TMEM200C: variants seen among roughly 807,000 people sequenced by gnomAD.
TMEM200C encodes the protein transmembrane protein TTMA.
For synonymous variants in TMEM200C, 462 were observed against 324.7 expected (o/e 1.42, Z -4.55); for missense variants, 966 against 699.9 (o/e 1.38, Z -4.29).
Position 5,891,200 on chromosome 18 carries a change from G to A in TMEM200C, c.864C>T (p.Pro288=), listed in dbSNP as rs2095170522. Residue 288 remains proline, a synonymous_variant, in exon 3 of 3, where the codon CCC becomes CCT. Transcript: ENST00000581347. This position sits in a 1 kb window ranked among gnomAD's most constrained non-coding sequence, Gnocchi z 4.7. The stretch of plus-strand genomic sequence containing the variant: ...GAGGGCGGCCGCCGCTCGGCGCCGC[G>A]GGGTGAGGAGGCCACGAGCCCTTGG... 2.0e-6 allele frequency: 2 copies of A among 1,005,248 alleles called. No homozygotes were observed. Among genetic ancestry groups the A allele is most frequent in the East Asian group, 3.4e-5 (1 of 29,016 alleles). The allele number at this position is 1,005,248 out of a possible 1,614,324, so 62.3% of individuals were successfully genotyped here.
chr18:5,891,822 G>T lies in TMEM200C; in HGVS notation c.242C>A (p.Thr81Asn). ...CAGCTGCTTACCCCCCTCCCGATTG[G>T]TCCCGGTGGCCTTGGGCCAGTAGCC... Residue 81 changes from threonine to asparagine, a missense_variant, in exon 3 of 3, where the codon ACC becomes AAC. By Grantham distance (65) the Thr-to-Asn change is moderately conservative. Transcript: ENST00000581347. This position sits in a 1 kb window ranked among gnomAD's most constrained non-coding sequence, Gnocchi z 4.7. 1 of 1,605,924 alleles carries T rather than the reference G, an allele frequency of 6.2e-7. No homozygotes were observed.
rs75719575 is a variant in TMEM200C, at chr18:5,885,102, A to G, written c.*5096T>C. ...GCAATTTTTAAGACACTTTACATAC[A>G]AAATGATCTGTAAACAAGAGTAACC... On this transcript the variant is annotated 3_prime_UTR_variant, in exon 3 of 3. Coordinates refer to ENST00000581347, the Ensembl canonical transcript of TMEM200C. 1.7e-4 allele frequency: 26 copies of G among 152,338 alleles called. 1 individual carries two copies. In the East Asian group the frequency reaches 5.0e-3, roughly 29 times the overall value. The allele number at this position is 152,338 out of a possible 1,614,324, so 9.4% of individuals were successfully genotyped here.
chr18:5,890,205 C>A, exon 3 of TMEM200C: 1 of 1,546,768 alleles, frequency 6.5e-7, no homozygotes, highest in Non-Finnish European at 8.8e-7. Flanking sequence ...TCTCTAAATG[C>A]CTGTGCTTTC....
exon 3 of TMEM200C, chr18:5,890,642 C>T (rs2095169483): frequency 2.6e-6 from 2 of 775,358 alleles, no homozygotes; most frequent in Non-Finnish European, 3.6e-6. Flanking sequence ...AGTCCGGGAG[C>T]CCGCTGGTGC....
chr18:5,890,760 GC>G lies in TMEM200C; in HGVS notation c.1303del (p.Ala435ArgfsTer12). On this transcript the variant is annotated frameshift_variant, in exon 3 of 3. Coordinates refer to ENST00000581347, the Ensembl canonical transcript of TMEM200C. LOFTEE classifies it low-confidence loss of function (END_TRUNC). ...CTCGGGCTCCTCCGGCTCCCGGCGC[GC>G]CCCGCGCATGCTGCCCTCTGCGCCG... 1 of 602,616 alleles carries G rather than the reference GC, an allele frequency of 1.7e-6. No individual in the cohort carries two copies. The allele number at this position is 602,616 out of a possible 1,614,324, so 37.3% of individuals were successfully genotyped here. A position where few individuals can be genotyped will look rare whatever the true frequency, so the allele number is the denominator to read the frequency against.
exon 3 of TMEM200C, chr18:5,888,064 G>A (rs914629298): frequency 1.4e-4 from 22 of 152,166 alleles, no homozygotes; most frequent in African/African-American, 5.3e-4. Context: ...CATTCTCCGA[G>A]GACTGGAAAC....
chr18:5,885,367 C>G (rs2095164637), exon 3 of TMEM200C: 1 of 152,186 alleles, frequency 6.6e-6, no homozygotes, highest in African/African-American at 2.4e-5. Flanking sequence ...GGTCTTTTCA[C>G]CAGCAATGAC....
chr18:5,894,374 TATC>T (rs1334838602), intron 2 of TMEM200C, among the ~76,000 whole-genome samples: 3 of 152,230 alleles, frequency 2.0e-5, no homozygotes, highest in Non-Finnish European at 4.4e-5. Flanking sequence ...CCTTTTAATG[TATC>T]ATCATCTGAC....
exon 3 of TMEM200C, chr18:5,890,000 T>C (rs1567886334): frequency 5.0e-6 from 2 of 400,970 alleles, no homozygotes; most frequent in Non-Finnish European, 4.3e-6. Context: ...AAAGACTAGT[T>C]TGCTTAAAAA....
chr18:5,892,662 T>C (rs914757350), intron 2 of TMEM200C, among the ~76,000 whole-genome samples: 1 of 152,166 alleles, frequency 6.6e-6, no homozygotes, highest in Non-Finnish European at 1.5e-5. Flanking sequence ...TGGCCCAAAG[T>C]CACTAAAACA....
chr18:5,886,654 A>C (rs11665356), exon 3 of TMEM200C: 1 of 152,018 alleles, frequency 6.6e-6, no homozygotes, highest in Non-Finnish European at 1.5e-5. Flanking sequence ...GAATATTTTT[A>C]TGTGCCAGGA....
At chr18:5,894,347 T>C (rs1035038846) in intron 2 of TMEM200C, among the ~76,000 whole-genome samples, 1 of 152,228 alleles carries the variant, frequency 6.6e-6, no homozygotes, top group African/African-American at 2.4e-5. Context: ...CCTTCAGCTC[T>C]GTTGAAGGCT....
chr18:5,892,827 C>A (rs1360349377), intron 2 of TMEM200C, among the ~76,000 whole-genome samples: 2 of 152,196 alleles, frequency 1.3e-5, no homozygotes, highest in Admixed American at 6.5e-5. Context: ...AATACTCTGA[C>A]AATAAATCCC....
At chr18:5,893,498 C>T (rs1429856584) in intron 2 of TMEM200C, among the ~76,000 whole-genome samples, 1 of 152,162 alleles carries the variant, frequency 6.6e-6, no homozygotes, top group African/African-American at 2.4e-5. Flanking sequence ...CATTTTCTGT[C>T]CCATTAGTTG....
At chr18:5,890,002 G>GC (rs1599525335) in exon 3 of TMEM200C, 2 of 399,216 alleles carry the variant, frequency 5.0e-6, no homozygotes, top group East Asian at 7.3e-5. Flanking sequence ...AGACTAGTTT[G>GC]CTTAAAAAAA....
exon 3 of TMEM200C, chr18:5,883,189 C>T (rs1567884308): frequency 6.6e-6 from 1 of 152,074 alleles, no homozygotes; most frequent in African/African-American, 2.4e-5. Flanking sequence ...TTAGAAAACA[C>T]ATTTTATATG....
exon 3 of TMEM200C, chr18:5,890,294 C>A: frequency 1.3e-6 from 2 of 1,599,212 alleles, no homozygotes; most frequent in Non-Finnish European, 1.7e-6. Flanking sequence ...GCCTCTGCAC[C>A]GGCTGAGGTT....
chr18:5,890,721 G>A (rs1000637031), exon 3 of TMEM200C: 2 of 507,906 alleles, frequency 3.9e-6, no homozygotes, highest in South Asian at 3.0e-5. Context: ...GGCGGCGCGC[G>A]CCGCTACCGC....
Position 5,890,721 on chromosome 18 carries a change from G to T in TMEM200C, c.1343C>A (p.Ala448Glu), listed in dbSNP as rs1000637031. ...GCCGCCCTGCCCCCTGGCGGCGCGC[G>T]CCGCTACCGCGCCCTCGGGCTCCTC... The change falls in exon 3 of 3, where the codon GCG (alanine) becomes GAG (glutamate). Residue 448 changes from alanine to glutamate, a missense_variant. Physicochemically the swap from Ala to Glu is moderately radical, Grantham distance 107. Transcript: ENST00000581347. The T allele has an allele frequency of 5.9e-6, 3 of 507,798 alleles. No individual in the cohort carries two copies. The African/African-American group carries it at 6.1e-5, about 10-fold the overall frequency. 31.5% of individuals were successfully genotyped at this position (507,798 alleles called of 1,614,324 possible).
Sources: allele counts gnomAD v4.1 joint callset (sites outside exome capture counted in the v4.1 genomes callset), GRCh38; gene constraint gnomAD v4.1.1; non-coding constraint Gnocchi (gnomAD v3.1); transcripts MANE v1.5; gene names NCBI Gene and HGNC (gene_info 2026-07-23, HGNC 2026-07-21).